The following BCL7B variants were observed in gnomAD, a reference collection of about 807,000 sequenced individuals.
BCL7B encodes BAF chromatin remodeling complex subunit BCL7B.
A neutral mutation model predicts 26.5 loss-of-function variants in BCL7B; 11 were observed. The observed-to-expected ratio is 0.42, with a 90% CI of 0.26 to 0.69. BCL7B has a LOEUF of 0.69. Among genes scored for constraint, BCL7B ranks in the 30% least tolerant of loss-of-function variants. The pLI, the probability that BCL7B is intolerant of heterozygous loss-of-function variation, is 0.28. For missense variants in BCL7B, 215 were observed against 264.4 expected, an observed-to-expected ratio of 0.81 and a Z score of 1.30; for synonymous variants, 111 against 107.9, an observed-to-expected ratio of 1.03 and a Z score of -0.18.
intron 2 of BCL7B, among the ~76,000 whole-genome samples, chr7:73,548,252 A>T (rs1554583668): frequency 6.6e-6 from 1 of 151,864 alleles, no homozygotes; most frequent in Non-Finnish European, 1.5e-5. Flanking sequence ...ACATGGTAAA[A>T]CCCTGTCTCT....
chr7:73,539,773 G>T, intron 4 of BCL7B, 109 bp downstream of exon 4: 1 of 1,305,114 alleles, frequency 7.7e-7, no homozygotes, highest in African/African-American at 1.5e-5. Flanking sequence ...GCTTGGTGCT[G>T]CCTGGCTCTG....
At chr7:73,542,099 AT>A (rs1554582951) in intron 3 of BCL7B, among the ~76,000 whole-genome samples, 1 of 152,178 alleles carries the variant, frequency 6.6e-6, no homozygotes, top group Non-Finnish European at 1.5e-5. Context: ...TGCATTTATC[AT>A]TTCGCACACG....
At chr7:73,546,666 T>C (rs2115781588) in intron 2 of BCL7B, among the ~76,000 whole-genome samples, 1 of 147,812 alleles carries the variant, frequency 6.8e-6, no homozygotes, top group East Asian at 2.0e-4. Context: ...AGACTCTGTC[T>C]CAAAAAAAAA....
chr7:73,557,384 C>G (rs1382430965), intron 1 of BCL7B, 103 bp downstream of exon 1: 13 of 1,168,860 alleles, frequency 1.1e-5, no homozygotes, highest in Admixed American at 4.6e-5. Context: ...GCACCCCCCT[C>G]CCCCAGCGCC....
In BCL7B at chr7:73,557,674, GT is replaced by G; in HGVS notation, c.-97del. On this transcript the variant is annotated 5_prime_UTR_variant, in exon 1 of 6. Coordinates refer to ENST00000223368, the MANE Select transcript of BCL7B (RefSeq NM_001707.4). ...GCCGCCCGCCCGCCGCCGCCGCAGC[GT>G]CACAGCGGCCGTCGCCCCCTCCGTG... The G allele has an allele frequency of 2.9e-6, 2 of 701,024 alleles. No homozygotes were observed. The highest frequency in any genetic ancestry group is 3.6e-6 in the Non-Finnish European group (2 of 548,694). The allele number at this position is 701,024 out of a possible 1,614,324, so 43.4% of individuals were successfully genotyped here.
rs368818733 is a variant in BCL7B, at chr7:73,538,027, A to G, written c.437-14T>C. On this transcript the variant is annotated splice_polypyrimidine_tract_variant and intron_variant, in intron 4 of 5. Coordinates refer to ENST00000223368, the MANE Select transcript of BCL7B (RefSeq NM_001707.4). ...GCAGGGAGGGCTCTGAAAAGGCAGT[A>G]GGGTCGGCCTGAGGGCAGGGCTCCC... 38 of 1,578,886 alleles carry G rather than the reference A, an allele frequency of 2.4e-5. No homozygotes were observed. Among genetic ancestry groups the G allele is most frequent in the Non-Finnish European group, 3.1e-5 (36 of 1,161,604 alleles).
chr7:73,552,768 C>A (rs1792224729), intron 1 of BCL7B, among the ~76,000 whole-genome samples: 1 of 151,698 alleles, frequency 6.6e-6, no homozygotes, highest in Non-Finnish European at 1.5e-5. Context: ...GCAACAGAGA[C>A]CCTGTCTCAA....
chr7:73,540,376 T>C (rs1554582696), intron 3 of BCL7B: 1 of 227,708 alleles, frequency 4.4e-6, no homozygotes, highest in East Asian at 9.1e-5. Flanking sequence ...CATCATAAGA[T>C]GTGTAGAAAA....
intron 1 of BCL7B, 99 bp from the exon 2 acceptor site, chr7:73,552,341 C>G (rs1792206359): frequency 1.0e-6 from 1 of 988,602 alleles, no homozygotes; most frequent in Admixed American, 2.1e-5. Context: ...TTCCTTCAAT[C>G]TGGAATCCTT....
In BCL7B at chr7:73,557,467, C is replaced by G; in HGVS notation, c.92+20G>C. On this transcript the variant is annotated intron_variant, in intron 1 of 5. Transcript: ENST00000223368. The stretch of plus-strand genomic sequence containing the variant: ...CTGGATCCGCGACCCCCGCCAGCCC[C>G]CTAAGCTCCGGCCCCTCACCATTTC... The G allele has an allele frequency of 4.4e-6, 6 of 1,377,148 alleles. No homozygotes were observed. Among genetic ancestry groups the G allele is most frequent in the Non-Finnish European group, 5.7e-6 (6 of 1,052,124 alleles). The allele number at this position is 1,377,148 out of a possible 1,614,324, so 85.3% of individuals were successfully genotyped here.
At chr7:73,542,104 G>A (rs782178435) in intron 3 of BCL7B, among the ~76,000 whole-genome samples, 12 of 152,196 alleles carry the variant, frequency 7.9e-5, no homozygotes, top group Non-Finnish European at 1.2e-4. Context: ...TTATCATTTC[G>A]CACACGTGCT....
intron 1 of BCL7B, among the ~76,000 whole-genome samples, chr7:73,555,569 G>A (rs1563434522): frequency 6.6e-6 from 1 of 152,114 alleles, no homozygotes; most frequent in Non-Finnish European, 1.5e-5. Flanking sequence ...GAGGAGAGGA[G>A]AGAGGAAGAA....
rs782511921 is a variant in BCL7B, at chr7:73,557,494, G to T, written c.85C>A (p.Arg29=). ...KKVMAAIEKV[R]KWEKKWVTVG... ...TAAGCTCCGGCCCCTCACCATTTCC[G>T]CACTTTCTCGATGGCCGCCATCACC... is the stretch of plus-strand genomic sequence containing the variant. The change falls in exon 1 of 6, where the codon CGG becomes AGG. Residue 29 remains arginine (R), a synonymous_variant. Transcript: ENST00000223368. The T allele has an allele frequency of 2.1e-6, 3 of 1,432,948 alleles. No homozygotes were observed. Among genetic ancestry groups the T allele is most frequent in the Non-Finnish European group, 2.8e-6 (3 of 1,081,118 alleles). 88.8% of individuals were successfully genotyped at this position (1,432,948 alleles called of 1,614,324 possible).
chr7:73,541,113 C>T (rs1385297727), intron 3 of BCL7B, among the ~76,000 whole-genome samples: 1 of 152,212 alleles, frequency 6.6e-6, no homozygotes, highest in East Asian at 1.9e-4. Context: ...TGCCATTGCA[C>T]TGTAGCCTGG....
chr7:73,542,399 G>C (rs1791802195), intron 3 of BCL7B, among the ~76,000 whole-genome samples: 1 of 152,162 alleles, frequency 6.6e-6, no homozygotes, highest in African/African-American at 2.4e-5. Flanking sequence ...CTCCAATCTG[G>C]TTTTGAAGAG....
At chr7:73,543,008 T>C (rs1791825844) in intron 3 of BCL7B, 1 of 313,202 alleles carries the variant, frequency 3.2e-6, no homozygotes, top group East Asian at 7.8e-5. Context: ...ACAAGTTATG[T>C]AACTTTAGAC....
Position 73,542,664 on chromosome 7 carries a change from G to T in BCL7B, c.265+884C>A, listed in dbSNP as rs571931776. ...CGTAGACAGTACCTAGCAGGTAGGT[G>T]TAAAAGGCAGTATCATGACTACGGT... On this transcript the variant is annotated intron_variant, in intron 3 of 5. Coordinates refer to ENST00000223368, the MANE Select transcript of BCL7B (RefSeq NM_001707.4). Among the ~76,000 whole-genome samples the T allele has an allele frequency of 2.4e-4, 36 of 152,334 alleles. No individual in the cohort carries two copies. In the South Asian group the frequency reaches 7.5e-3, roughly 32 times the overall value.
chr7:73,548,720 C>T (rs1469456918), intron 2 of BCL7B, among the ~76,000 whole-genome samples: 3 of 152,012 alleles, frequency 2.0e-5, no homozygotes, highest in Non-Finnish European at 2.9e-5. Flanking sequence ...CACCTGAGAT[C>T]GGGAGTTGAA....
At chr7:73,556,890 A>G (rs1306304066) in intron 1 of BCL7B, among the ~76,000 whole-genome samples, 1 of 152,228 alleles carries the variant, frequency 6.6e-6, no homozygotes, top group Non-Finnish European at 1.5e-5. Flanking sequence ...CATAGTTTGC[A>G]AAGGACTCTC....
Sources: allele counts gnomAD v4.1 joint callset (sites outside exome capture counted in the v4.1 genomes callset), GRCh38; gene constraint gnomAD v4.1.1; transcripts MANE v1.5; gene names NCBI Gene and HGNC (gene_info 2026-07-23, HGNC 2026-07-21).